HAAO: variants seen among roughly 807,000 people sequenced by gnomAD.
The protein encoded by HAAO is 3-hydroxyanthranilate oxygenase.
A neutral mutation model predicts 46.2 loss-of-function variants in HAAO; 49 were observed. The ratio of observed to expected loss-of-function variants is 1.06; its 90% confidence interval spans 0.84 to 1.34. The LOEUF is 1.34. Ranked by LOEUF, HAAO falls within the 40% of genes most tolerant of loss-of-function variation. The pLI is 0.00. For missense variants in HAAO, 408 were observed against 364.5 expected (o/e 1.12, Z -0.97); for synonymous variants, 157 against 145.2 (o/e 1.08, Z -0.58).
In HAAO at chr2:42,767,147, T is replaced by C; in HGVS notation, c.*290A>G. 1 of 536,080 alleles carries C rather than the reference T, an allele frequency of 1.9e-6. No individual in the cohort carries two copies. Among genetic ancestry groups the C allele is most frequent in the South Asian group, 2.1e-5 (1 of 48,244 alleles). The allele number at this position is 536,080 out of a possible 1,614,324, so 33.2% of individuals were successfully genotyped here. On this transcript the variant is annotated 3_prime_UTR_variant, in exon 10 of 10. Coordinates refer to ENST00000294973, the MANE Select transcript of HAAO (RefSeq NM_012205.3). ...CTTGGTGTGGAAGTGCTGCACTGAG[T>C]CTGCAGGGACAGAGGAATGGGCAGG...
chr2:42,782,710 C>A, intron 4 of HAAO: 1 of 256,860 alleles, frequency 3.9e-6, no homozygotes, highest in Non-Finnish European at 8.0e-6. Flanking sequence ...TGATTGCCTC[C>A]TTTGGAGAGG....
At position 42,769,569 on chromosome 2, in the gene HAAO, ATGTGTGTGTGTGTGTGTGTG is replaced by A. The variant is rs35746707; in HGVS notation, c.630+124_630+143del. 45 of 588,834 alleles carry A rather than the reference ATGTGTGTGTGTGTGTGTGTG, an allele frequency of 7.6e-5. No homozygotes were observed. The East Asian group carries it at 1.0e-3, about 14-fold the overall frequency. 36.5% of individuals were successfully genotyped at this position (588,834 alleles called of 1,614,324 possible). ...TATGCTCATGTCTACAACCTCTGAAATGTGTGTGTGTGTGTGTGTGTGTGTGTGTGTGTGTGAGTGTGTGT... is the reference window on the plus strand; with the variant it reads ...TATGCTCATGTCTACAACCTCTGAAATGTGTGTGTGTGTGTGAGTGTGTGT... On this transcript the variant is annotated intron_variant, in intron 7 of 9. Transcript: ENST00000294973.
At position 42,769,797 on chromosome 2, in the gene HAAO, G is replaced by T. The variant is rs761967700; in HGVS notation, c.546C>A (p.Ser182=). 6.2e-7 allele frequency: 1 copy of T among 1,613,960 alleles called. No homozygotes were observed. Reference sequence around the variant, plus strand: ...GGTGGCTGTCCAGCCAGGCATCCAGGGACATGGGCTCCATGATGGATCGTG... The same window carrying T: ...GGTGGCTGTCCAGCCAGGCATCCAGTGACATGGGCTCCATGATGGATCGTG... The part of the protein sequence containing the change: ...LSTRSIMEPM[S]LDAWLDSHHR... The change falls in exon 7 of 10, where the codon TCC becomes TCA. Residue 182 remains serine, a synonymous_variant. Transcript: ENST00000294973.
rs377653350 is a variant in HAAO at position 42,790,532 on chromosome 2, GTTTTTT to G, written c.80+1919_80+1924del. Among the ~76,000 whole-genome samples, 498 of 146,838 alleles carry G rather than the reference GTTTTTT, an allele frequency of 3.4e-3. 2 individuals carry two copies. The highest frequency in any genetic ancestry group is 0.01 in the Middle Eastern group (3 of 290). ...GGGTGCTGGGGAACCTGGAAAGTTT[GTTTTTT>G]TTTTTTTTTTTTCAGATAGAGTCTT... On this transcript the variant is annotated intron_variant, in intron 1 of 9. Transcript: ENST00000294973.
At chr2:42,788,641 C>G (rs1243731981) in intron 1 of HAAO, 34 bp from the exon 2 acceptor site, 1 of 1,293,524 alleles carries the variant, frequency 7.7e-7, no homozygotes, top group East Asian at 2.3e-5. Flanking sequence ...ACGTTCTAAA[C>G]CATCTCCTAG....
intron 4 of HAAO, among the ~76,000 whole-genome samples, chr2:42,772,629 T>C (rs186456093): frequency 2.1e-3 from 322 of 152,320 alleles, no homozygotes; most frequent in Non-Finnish European, 3.7e-3. Context: ...TTTATTATTT[T>C]GTTTTCTTGA....
intron 4 of HAAO, among the ~76,000 whole-genome samples, chr2:42,775,157 G>C (rs897867653): frequency 6.8e-6 from 1 of 147,670 alleles, no homozygotes; most frequent in African/African-American, 2.5e-5. Flanking sequence ...TGAGGCAGGA[G>C]AATTGCTTGA....
chr2:42,782,620 A>T (rs1222009440), intron 4 of HAAO, among the ~76,000 whole-genome samples: 1 of 152,264 alleles, frequency 6.6e-6, no homozygotes, highest in Non-Finnish European at 1.5e-5. Context: ...GGGAAAAATC[A>T]AGGTAGGAAC....
At chr2:42,785,013 G>A (rs1672288595) in intron 2 of HAAO, among the ~76,000 whole-genome samples, 1 of 152,192 alleles carries the variant, frequency 6.6e-6, no homozygotes, top group Admixed American at 6.5e-5. Flanking sequence ...CTGCCTAGTG[G>A]TGTACATTCA....
At chr2:42,768,207 G>C (rs576668250) in intron 7 of HAAO, among the ~76,000 whole-genome samples, 10 of 152,334 alleles carry the variant, frequency 6.6e-5, no homozygotes, top group South Asian at 2.1e-4. Flanking sequence ...TCATGCGAAG[G>C]CATGCTCACC....
chr2:42,783,730 G>T, intron 3 of HAAO, 54 bp downstream of exon 3: 3 of 1,474,590 alleles, frequency 2.0e-6, no homozygotes, highest in Non-Finnish European at 2.8e-6. Context: ...GGACAGGGCG[G>T]ATTCCAGCTG....
In HAAO at chr2:42,770,196, C is replaced by T. The variant is rs141209245; in HGVS notation, c.441-10G>A. 3.2e-3 allele frequency: 5,071 copies of T among 1,594,412 alleles called. 7 individuals carry two copies. The highest frequency in any genetic ancestry group is 4.5e-3 in the Middle Eastern group (27 of 6,040). ...CTCAGAGCTGAAGAACCTGCAAGGA[C>T]GAACAGGGAGGAGCAGGAGTGGCGA... On this transcript the variant is annotated splice_polypyrimidine_tract_variant and intron_variant, in intron 5 of 9. Coordinates refer to ENST00000294973, the MANE Select transcript of HAAO (RefSeq NM_012205.3).
intron 3 of HAAO, 66 bp downstream of exon 3, chr2:42,783,718 G>T: frequency 7.2e-7 from 1 of 1,383,442 alleles, no homozygotes; most frequent in Non-Finnish European, 1.0e-6. Context: ...GCCAGGATGA[G>T]TGGACAGGGC....
intron 3 of HAAO, 49 bp from the exon 4 acceptor site, chr2:42,783,469 A>G (rs1558671584): frequency 8.3e-7 from 1 of 1,207,216 alleles, no homozygotes; most frequent in East Asian, 2.5e-5. Flanking sequence ...TCCCTCATGG[A>G]GACCTTAGCG....
intron 5 of HAAO, 68 bp from the exon 6 acceptor site, chr2:42,770,254 A>T (rs1384252633): frequency 2.3e-6 from 3 of 1,321,492 alleles, no homozygotes; most frequent in East Asian, 2.5e-5. Flanking sequence ...CGACACACAC[A>T]TACACCACAC....
At chr2:42,789,611 T>C (rs1206311883) in intron 1 of HAAO, among the ~76,000 whole-genome samples, 1 of 151,988 alleles carries the variant, frequency 6.6e-6, no homozygotes, top group East Asian at 1.9e-4. Context: ...ACCCTCTCAT[T>C]TTACAGCCGA....
At chr2:42,770,344 G>A (rs1285078725) in intron 5 of HAAO, 149 bp downstream of exon 5, 17 of 868,564 alleles carry the variant, frequency 2.0e-5, no homozygotes, top group African/African-American at 5.0e-5. Flanking sequence ...CCCTCCCAGC[G>A]GGGCTGCTGC....
At chr2:42,789,656 A>C (rs1438827911) in intron 1 of HAAO, among the ~76,000 whole-genome samples, 1 of 152,144 alleles carries the variant, frequency 6.6e-6, no homozygotes, top group Non-Finnish European at 1.5e-5. Flanking sequence ...AAAGCCAGGG[A>C]ATGACTGAAC....
At chr2:42,777,303 C>CAAAAAAAAAAAAAAAAAAAA (rs1215772853) in intron 4 of HAAO, among the ~76,000 whole-genome samples, 3 of 40,210 alleles carry the variant, frequency 7.5e-5, no homozygotes, top group South Asian at 1.3e-3. Context: ...ACTCTTATCG[C>CAAAAAAAAAAAAAAAAAAAA]AAAAAAAAAA....
Sources: gnomAD v4.1 joint callset for allele counts (sites outside exome capture counted in the v4.1 genomes callset) on GRCh38, gnomAD v4.1.1 for gene constraint, MANE v1.5 for transcripts, NCBI Gene and HGNC (gene_info 2026-07-23, HGNC 2026-07-21) for gene names.